Variants in LZTFL1 observed in about 807,000 individuals in gnomAD.
The protein encoded by LZTFL1 is leucine zipper transcription factor like 1.
Under a neutral mutation model 45.9 loss-of-function variants are expected in LZTFL1, and 25 were observed. The ratio of observed to expected loss-of-function variants is 0.54; its 90% CI spans 0.40 to 0.76. The LOEUF is 0.76. LZTFL1 is among the 30% of genes least tolerant of loss of function. The pLI is 0.00. For missense variants in LZTFL1, 277 were observed against 331.1 expected, an observed-to-expected ratio of 0.84 and a Z score of 1.27; for synonymous variants, 93 against 117.4, an observed-to-expected ratio of 0.79 and a Z score of 1.35.
intron 5 of LZTFL1, among the ~76,000 whole-genome samples, chr3:45,831,945 T>A (rs1417169571): frequency 6.6e-6 from 1 of 152,060 alleles, no homozygotes; most frequent in African/African-American, 2.4e-5. Context: ...ATAAAACTAT[T>A]ACATTTTTGG....
At chr3:45,879,147 G>A (rs1239486829) in intron 2 of LZTFL1, among the ~76,000 whole-genome samples, 3 of 152,140 alleles carry the variant, frequency 2.0e-5, no homozygotes, top group Admixed American at 1.3e-4. Flanking sequence ...TCTAGCAATC[G>A]TGCTTCTCAG....
chr3:45,866,777 A>G (rs751508156), intron 2 of LZTFL1, among the ~76,000 whole-genome samples: 11 of 152,226 alleles, frequency 7.2e-5, no homozygotes, highest in Non-Finnish European at 1.5e-4. Flanking sequence ...TGTATTCACC[A>G]TAGAGGCTAT....
chr3:45,849,603 C>T (rs1701275771), intron 4 of LZTFL1, among the ~76,000 whole-genome samples: 1 of 152,142 alleles, frequency 6.6e-6, no homozygotes, highest in Non-Finnish European at 1.5e-5. Flanking sequence ...GAATGTCTTT[C>T]TAGGAATGGA....
chr3:45,853,456 A>C (rs942088949), intron 4 of LZTFL1, among the ~76,000 whole-genome samples: 7 of 152,244 alleles, frequency 4.6e-5, no homozygotes, highest in African/African-American at 1.7e-4. Context: ...CTTTTCACAG[A>C]TATAGAGAGC....
chr3:45,846,326 A>G (rs1701217376), upstream of LZTFL1, among the ~76,000 whole-genome samples: 2 of 152,162 alleles, frequency 1.3e-5, no homozygotes. Context: ...TTTGAGTTCT[A>G]CTTTGACTTA....
At chr3:45,839,210 T>C (rs1701042439) in intron 1 of LZTFL1, among the ~76,000 whole-genome samples, 1 of 152,130 alleles carries the variant, frequency 6.6e-6, no homozygotes, top group South Asian at 2.1e-4. Flanking sequence ...TGCCTCAGGC[T>C]CCCGAGTAGC....
intron 7 of LZTFL1, 67 bp from the exon 8 acceptor site, chr3:45,828,682 T>C: frequency 7.7e-7 from 1 of 1,294,814 alleles, no homozygotes; most frequent in Non-Finnish European, 1.1e-6. Context: ...TTTAGAATGG[T>C]GATTCAACAT....
chr3:45,915,547 A>G (rs771675650), exon 1 of LZTFL1: 1 of 456,416 alleles, frequency 2.2e-6, no homozygotes, highest in South Asian at 1.5e-5. Context: ...TGATGATTCT[A>G]TGGACCCACA....
Position 45,900,678 on chromosome 3 carries a change from G to T in LZTFL1, c.-215+12442C>A. The T allele has an allele frequency of 1.2e-6, 1 of 811,812 alleles. No individual in the cohort carries two copies. Among genetic ancestry groups the T allele is most frequent in the South Asian group, 1.7e-5 (1 of 59,068 alleles). 50.3% of individuals were successfully genotyped at this position (811,812 alleles called of 1,614,324 possible). ...GTCACAACCCAAGCAGATGTCCTCA[G>T]AATGCCTATGTGTCTTTGGCCTTAT... On this transcript the variant is annotated intron_variant, in intron 2 of 4. Coordinates refer to the LZTFL1 transcript ENST00000472635. The surrounding 1 kb of genome is among the most constrained non-coding windows in gnomAD (Gnocchi z 4.7).
In LZTFL1 at chr3:45,828,444, C is replaced by T; in HGVS notation, c.772G>A (p.Glu258Lys). The change falls in exon 8 of 10, where the codon GAA (glutamate) becomes AAA (lysine). Residue 258 changes from glutamate to lysine, a missense_variant. Glu to Lys is a moderately conservative substitution (Grantham distance 56). Coordinates refer to ENST00000296135, the MANE Select transcript of LZTFL1 (RefSeq NM_020347.4). ...LRVQEQLHMA[E>K]KELEKKFQQT... Reference sequence around the variant, plus strand: ...CTTAAACATGGTCTTCTGACCTTTTCAGCCATGTGCAGCTGCTCCTGAACC... The same window carrying T: ...CTTAAACATGGTCTTCTGACCTTTTTAGCCATGTGCAGCTGCTCCTGAACC... 6.2e-7 allele frequency: 1 copy of T among 1,612,960 alleles called. No individual in the cohort carries two copies. Among genetic ancestry groups the T allele is most frequent in the Non-Finnish European group, 8.5e-7 (1 of 1,179,664 alleles).
chr3:45,861,873 A>G (rs1223661972), intron 2 of LZTFL1, among the ~76,000 whole-genome samples: 2 of 152,202 alleles, frequency 1.3e-5, no homozygotes, highest in Non-Finnish European at 2.9e-5. Flanking sequence ...GGCCGTTTAT[A>G]TCATTTATTA....
chr3:45,833,859 T>C (rs1241858353), intron 4 of LZTFL1, among the ~76,000 whole-genome samples: 1 of 152,150 alleles, frequency 6.6e-6, no homozygotes, highest in East Asian at 1.9e-4. Context: ...ATGAGTAAAA[T>C]GAAGCTCAGC....
chr3:45,903,969 A>G (rs752372055), intron 2 of LZTFL1, among the ~76,000 whole-genome samples: 2 of 152,238 alleles, frequency 1.3e-5, no homozygotes, highest in Non-Finnish European at 2.9e-5. Flanking sequence ...AGGTGCAAAG[A>G]ACACAGCTGA....
At chr3:45,863,280 T>A (rs964482351) in intron 2 of LZTFL1, among the ~76,000 whole-genome samples, 1 of 152,148 alleles carries the variant, frequency 6.6e-6, no homozygotes, top group Non-Finnish European at 1.5e-5. Context: ...TGTAGAGGGA[T>A]GAAAGTCATA....
chr3:45,877,055 T>A (rs1701759326), intron 2 of LZTFL1, among the ~76,000 whole-genome samples: 1 of 151,998 alleles, frequency 6.6e-6, no homozygotes, highest in South Asian at 2.1e-4. Context: ...CCTCAATGCA[T>A]ATCAGAGGAA....
chr3:45,915,535 T>C, exon 1 of LZTFL1: 1 of 456,570 alleles, frequency 2.2e-6, no homozygotes, highest in South Asian at 1.5e-5. Flanking sequence ...TCATTTTTTC[T>C]GTGATGATTC....
At chr3:45,882,703 C>T (rs948442529) in intron 2 of LZTFL1, among the ~76,000 whole-genome samples, 5 of 152,124 alleles carry the variant, frequency 3.3e-5, no homozygotes, top group Admixed American at 6.5e-5. Flanking sequence ...TTACAGGTAT[C>T]AGCGTTGTGG....
intron 3 of LZTFL1, among the ~76,000 whole-genome samples, chr3:45,858,485 T>C (rs559811989): frequency 6.6e-6 from 1 of 152,362 alleles, no homozygotes; most frequent in South Asian, 2.1e-4. Flanking sequence ...TTACCTAGTG[T>C]CATGGAAATA....
intron 2 of LZTFL1, among the ~76,000 whole-genome samples, chr3:45,907,946 G>T (rs1454194019): frequency 6.6e-6 from 1 of 152,204 alleles, no homozygotes; most frequent in African/African-American, 2.4e-5. Context: ...CTACAGCAAT[G>T]GAAAATGTTT....
Sources: gnomAD v4.1 joint callset for allele counts (sites outside exome capture counted in the v4.1 genomes callset) on GRCh38, gnomAD v4.1.1 for gene constraint, Gnocchi (gnomAD v3.1) non-coding constraint, MANE v1.5 for transcripts, NCBI Gene and HGNC (gene_info 2026-07-23, HGNC 2026-07-21) for gene names.